The following IRAK1BP1 variants were observed in gnomAD, a reference collection of about 807,000 sequenced individuals.
IRAK1BP1 encodes interleukin 1 receptor associated kinase 1 binding protein 1, also known as interleukin-1 receptor-associated kinase 1-binding protein 1.
Under a neutral mutation model 28.0 loss-of-function variants are expected in IRAK1BP1, and 24 were observed. The observed-to-expected ratio is 0.86, with a 90% CI of 0.62 to 1.20. The LOEUF (loss-of-function observed/expected upper bound fraction) is 1.20, where lower values mean the gene tolerates loss of function less well. IRAK1BP1 is among the 50% of genes most tolerant of loss of function. The probability of loss-of-function intolerance (pLI) is 0.00; values close to 1 mark genes in which losing one functional copy is unlikely to be tolerated. For missense variants in IRAK1BP1, 336 were observed against 316.7 expected, an observed-to-expected ratio of 1.06 and a Z score of -0.46; for synonymous variants, 131 against 116.3, an observed-to-expected ratio of 1.13 and a Z score of -0.81.
chr6:78,883,300 A>T (rs574411794), intron 1 of IRAK1BP1, among the ~76,000 whole-genome samples: 2 of 152,264 alleles, frequency 1.3e-5, no homozygotes, highest in East Asian at 3.9e-4. Flanking sequence ...AATTTTATTT[A>T]TGAAAAAGTC....
At chr6:78,938,406 C>G (rs1041050986) in intron 4 of IRAK1BP1, 1 of 151,658 alleles carries the variant, frequency 6.6e-6, no homozygotes, top group Non-Finnish European at 1.5e-5. Flanking sequence ...TGTGTACGCT[C>G]TTCCTTTTTC....
the IRAK1BP1 span, among the ~76,000 whole-genome samples, chr6:78,963,839 G>C: frequency 6.6e-6 from 1 of 152,168 alleles, no homozygotes; most frequent in African/African-American, 2.4e-5. Flanking sequence ...TTTTCCTTTA[G>C]ACTAAGTTTT....
chr6:78,935,436 C>CTTTT (rs1773239885), intron 4 of IRAK1BP1: 1 of 899,184 alleles, frequency 1.1e-6, no homozygotes, highest in Non-Finnish European at 1.3e-6. Flanking sequence ...CAATAACCTT[C>CTTTT]TTTCCATCAT....
At chr6:78,973,041 T>A in the IRAK1BP1 span, among the ~76,000 whole-genome samples, 4 of 151,920 alleles carry the variant, frequency 2.6e-5, no homozygotes, top group Non-Finnish European at 5.9e-5. Flanking sequence ...ATAAAGATAC[T>A]CCTCGAGAAG....
At chr6:78,954,782 C>G in the IRAK1BP1 span, 5 of 1,466,478 alleles carry the variant, frequency 3.4e-6, no homozygotes, top group Non-Finnish European at 4.6e-6. Flanking sequence ...AGCAAACTGA[C>G]AGGTAAAGAA....
intron 1 of IRAK1BP1, among the ~76,000 whole-genome samples, chr6:78,869,940 C>T (rs951021641): frequency 6.6e-6 from 1 of 151,896 alleles, no homozygotes; most frequent in Non-Finnish European, 1.5e-5. Context: ...GAAATCTCGT[C>T]TCTACTAAAA....
the IRAK1BP1 span, among the ~76,000 whole-genome samples, chr6:78,964,241 T>C: frequency 6.6e-6 from 1 of 152,202 alleles, no homozygotes; most frequent in African/African-American, 2.4e-5. Context: ...AATATATTAT[T>C]GGCATTAAAT....
In IRAK1BP1 at chr6:78,942,258, G is replaced by A. The variant is rs147039271; in HGVS notation, c.*68-3150G>A. Among the ~76,000 whole-genome samples the A allele has an allele frequency of 6.6e-4, 100 of 152,244 alleles. 1 individual carries two copies. The South Asian group carries it at 8.1e-3, about 12-fold the overall frequency. On this transcript the variant is annotated intron_variant and NMD_transcript_variant, in intron 4 of 4. Coordinates refer to the IRAK1BP1 transcript ENST00000606868. ...AGCACTCTGGGAGGCCAAAGTGGGC[G>A]GATCACCTGAGGTCAGGAGTTCGAG...
intron 4 of IRAK1BP1, chr6:78,940,928 T>C: frequency 6.2e-7 from 1 of 1,614,054 alleles, no homozygotes; most frequent in Non-Finnish European, 8.5e-7. Context: ...ATCTATCTTT[T>C]TTCGGTTACT....
At chr6:78,946,528 A>C, downstream of IRAK1BP1, 1 of 1,379,402 alleles carries the variant, frequency 7.2e-7, no homozygotes, top group Non-Finnish European at 9.3e-7. Context: ...GTTTGAATTT[A>C]AGCACTTACA....
chr6:78,917,532 G>A (rs74474201), intron 4 of IRAK1BP1, among the ~76,000 whole-genome samples: 2,136 of 149,942 alleles, frequency 0.014, 36 homozygotes, highest in Middle Eastern at 0.048. Context: ...CTTGATAGAG[G>A]TAGACATCCA....
intron 4 of IRAK1BP1, among the ~76,000 whole-genome samples, chr6:78,908,508 T>G (rs182748544): frequency 6.6e-6 from 1 of 152,154 alleles, no homozygotes; most frequent in African/African-American, 2.4e-5. Flanking sequence ...ACCTGGCTAA[T>G]TTTCCTATTT....
intron 4 of IRAK1BP1, among the ~76,000 whole-genome samples, chr6:78,909,233 A>G (rs1038306895): frequency 2.0e-5 from 3 of 152,240 alleles, no homozygotes; most frequent in African/African-American, 7.2e-5. Context: ...TGGCAGGAAT[A>G]TGTCCAGACA....
chr6:78,868,225 A>G (rs1360925396), intron 1 of IRAK1BP1, among the ~76,000 whole-genome samples: 1 of 152,226 alleles, frequency 6.6e-6, no homozygotes, highest in African/African-American at 2.4e-5. Context: ...TTAGTTGTAA[A>G]TACTTGCCCA....
intron 1 of IRAK1BP1, among the ~76,000 whole-genome samples, chr6:78,884,428 A>G (rs1771339362): frequency 6.6e-6 from 1 of 152,178 alleles, no homozygotes; most frequent in Non-Finnish European, 1.5e-5. Flanking sequence ...CCTTTTGGAA[A>G]GTAAATAAGA....
chr6:78,970,325 A>C, the IRAK1BP1 span: 2 of 623,274 alleles, frequency 3.2e-6, no homozygotes, highest in Non-Finnish European at 5.5e-6. Context: ...CTCTGTATTA[A>C]GATTTGTGCA....
chr6:78,946,674 A>T, downstream of IRAK1BP1: 1 of 1,504,094 alleles, frequency 6.6e-7, no homozygotes, highest in South Asian at 1.3e-5. Context: ...GATGAAAGTT[A>T]TAGATCAGCT....
rs1270460968 is a variant in IRAK1BP1 at position 78,902,950 on chromosome 6, ACT to A, written c.*4619_*4620del. ...TGTTTTCTACTATTAAAACAATAAAACTCTTATAAACCTGTTTATCAGAAGGA... is the reference window on the plus strand; with the variant it reads ...TGTTTTCTACTATTAAAACAATAAAACTTATAAACCTGTTTATCAGAAGGA... On this transcript the variant is annotated 3_prime_UTR_variant, in exon 4 of 4. Transcript: ENST00000369940. The A allele has an allele frequency of 6.0e-6, 6 of 1,003,302 alleles. No individual in the cohort carries two copies. Among genetic ancestry groups the A allele is most frequent in the Non-Finnish European group, 8.9e-6 (6 of 674,016 alleles). 62.1% of individuals were successfully genotyped at this position (1,003,302 alleles called of 1,614,324 possible).
the IRAK1BP1 span, among the ~76,000 whole-genome samples, chr6:78,953,966 G>T: frequency 2.0e-5 from 3 of 152,088 alleles, no homozygotes; most frequent in Non-Finnish European, 4.4e-5. Flanking sequence ...ATGATTGCAC[G>T]CCAAAATAAA....
Sources: allele counts gnomAD v4.1 joint callset (sites outside exome capture counted in the v4.1 genomes callset), GRCh38; gene constraint gnomAD v4.1.1; transcripts MANE v1.5; gene names NCBI Gene and HGNC (gene_info 2026-07-23, HGNC 2026-07-21).